The following PDE11A variants were observed in gnomAD, a reference collection of about 807,000 sequenced individuals.
The protein encoded by PDE11A is phosphodiesterase 11A.
A neutral mutation model predicts 100.5 loss-of-function variants in PDE11A; 100 were observed. That is an observed-to-expected ratio of 1.00 (90% CI 0.85 to 1.18). PDE11A has a LOEUF of 1.18. PDE11A is among the 50% of genes most tolerant of loss of function. PDE11A has a pLI of 0.00. For synonymous variants in PDE11A, 381 were observed against 420.8 expected (o/e 0.91, Z 1.16); for missense variants, 1,141 against 1,152.6 (o/e 0.99, Z 0.15).
rs921432030 is a variant in PDE11A at position 177,911,971 on chromosome 2, T to C, written c.1072-6784A>G. Among the ~76,000 whole-genome samples the C allele has an allele frequency of 2.0e-5, 3 of 151,736 alleles. No homozygotes were observed. In the East Asian group the frequency reaches 5.8e-4, roughly 29 times the overall value. On this transcript the variant is annotated intron_variant, in intron 2 of 19. Coordinates refer to ENST00000286063, the MANE Select transcript of PDE11A (RefSeq NM_016953.4). ...CTATGAGAATTGACATTCTGAAGAA[T>C]AGGGTGGGGGACTTCATTCACAAAA...
At chr2:177,673,330 A>G (rs1052641900) in intron 17 of PDE11A, among the ~76,000 whole-genome samples, 1 of 152,192 alleles carries the variant, frequency 6.6e-6, no homozygotes, top group African/African-American at 2.4e-5. Context: ...TGGGAAAGGA[A>G]TAATTTCCCA....
At chr2:177,635,912 A>G (rs1269823919) in intron 19 of PDE11A, among the ~76,000 whole-genome samples, 1 of 151,598 alleles carries the variant, frequency 6.6e-6, no homozygotes, top group African/African-American at 2.4e-5. Flanking sequence ...TTGTTTAACC[A>G]GTTCCTTTTT....
At chr2:178,080,796 C>T (rs2087275765) in intron 2 of PDE11A, among the ~76,000 whole-genome samples, 1 of 151,960 alleles carries the variant, frequency 6.6e-6, no homozygotes, top group Admixed American at 6.6e-5. Context: ...CCAAGAGTAA[C>T]TTCCACAGCA....
intron 2 of PDE11A, among the ~76,000 whole-genome samples, chr2:178,103,947 T>C (rs2087588883): frequency 6.6e-6 from 1 of 152,142 alleles, no homozygotes; most frequent in African/African-American, 2.4e-5. Flanking sequence ...CTATATAGTA[T>C]TTCTCCCACT....
intron 2 of PDE11A, among the ~76,000 whole-genome samples, chr2:177,945,731 G>T (rs1436997778): frequency 6.6e-6 from 1 of 151,994 alleles, no homozygotes; most frequent in Non-Finnish European, 1.5e-5. Context: ...GGGAGGTGGG[G>T]GGGGTCAGCC....
chr2:177,708,036 A>G (rs1282931384), intron 13 of PDE11A, among the ~76,000 whole-genome samples: 1 of 152,118 alleles, frequency 6.6e-6, no homozygotes, highest in African/African-American at 2.4e-5. Flanking sequence ...TGGGGGAGAG[A>G]GGAATCCTAA....
In PDE11A at chr2:177,820,242, C is replaced by G; in HGVS notation, c.1554G>C (p.Trp518Cys). The G allele has an allele frequency of 6.3e-7, 1 of 1,581,534 alleles. No homozygotes were observed. Among genetic ancestry groups the G allele is most frequent in the South Asian group, 1.1e-5 (1 of 90,364 alleles). The change falls in exon 7 of 20, where the codon TGG (tryptophan) becomes TGC (cysteine). Residue 518 changes from tryptophan to cysteine, a missense_variant. Coordinates refer to ENST00000286063, the MANE Select transcript of PDE11A (RefSeq NM_016953.4). ...HIRSVLCVPI[W>C]NSNHQIIGVA... Reference sequence around the variant, plus strand: ...TACCAATTATTTGGTGGTTGCTATTCCAAATAGGGACACAAAGAACAGATC... The same window carrying G: ...TACCAATTATTTGGTGGTTGCTATTGCAAATAGGGACACAAAGAACAGATC...
chr2:177,855,903 A>AAC (rs57202805), intron 5 of PDE11A, among the ~76,000 whole-genome samples: 1,751 of 139,610 alleles, frequency 0.013, 22 homozygotes, highest in African/African-American at 0.032. Flanking sequence ...GAACGTATGC[A>AAC]ACACACACAC....
intron 10 of PDE11A, among the ~76,000 whole-genome samples, chr2:177,756,367 G>T (rs1281484233): frequency 2.0e-5 from 3 of 152,186 alleles, no homozygotes; most frequent in Non-Finnish European, 4.4e-5. Context: ...TAAAGGGAAA[G>T]AAATTCCCTT....
At chr2:178,062,181 C>T (rs1400744537) in intron 1 of PDE11A, among the ~76,000 whole-genome samples, 1 of 152,110 alleles carries the variant, frequency 6.6e-6, no homozygotes, top group African/African-American at 2.4e-5. Flanking sequence ...GGCACATTGG[C>T]TGCCACTGGT....
chr2:177,829,455 T>C (rs1394639509), intron 6 of PDE11A, among the ~76,000 whole-genome samples: 2 of 151,898 alleles, frequency 1.3e-5, no homozygotes, highest in African/African-American at 4.8e-5. Context: ...CAAAATTCTT[T>C]TTTTTTTAAG....
rs895674251 is a variant in PDE11A at position 178,037,533 on chromosome 2, A to C, written c.913-23073T>G. Among the ~76,000 whole-genome samples the C allele has an allele frequency of 2.6e-5, 4 of 152,220 alleles. No individual in the cohort carries two copies. In the South Asian group the frequency reaches 8.3e-4, roughly 32 times the overall value. On this transcript the variant is annotated intron_variant, in intron 1 of 19. Coordinates refer to ENST00000286063, the MANE Select transcript of PDE11A (RefSeq NM_016953.4). ...ATCCCATTACTGGGTATATACCCAA[A>C]GGATTATAAATCATTCTAATATAAA...
At chr2:177,802,099 C>A (rs1007807250) in intron 9 of PDE11A, among the ~76,000 whole-genome samples, 1 of 151,978 alleles carries the variant, frequency 6.6e-6, no homozygotes, top group East Asian at 1.9e-4. Context: ...TAAATAAGCA[C>A]ATAGAAAAAG....
chr2:177,637,513 T>C (rs1417483653), intron 19 of PDE11A, among the ~76,000 whole-genome samples: 3 of 152,000 alleles, frequency 2.0e-5, no homozygotes, highest in Non-Finnish European at 2.9e-5. Context: ...CTGGATTGTG[T>C]TTTTGTCTCT....
At chr2:178,012,373 T>A (rs548673978) in intron 2 of PDE11A, among the ~76,000 whole-genome samples, 170 of 152,304 alleles carry the variant, frequency 1.1e-3, no homozygotes, top group African/African-American at 3.8e-3. Flanking sequence ...ATTAATTATT[T>A]AAAAAAATTG....
chr2:177,917,219 C>T (rs2084968012), intron 2 of PDE11A, among the ~76,000 whole-genome samples: 1 of 152,078 alleles, frequency 6.6e-6, no homozygotes, highest in African/African-American at 2.4e-5. Context: ...AAGTTCAAAT[C>T]ACCCAATTCC....
chr2:177,747,272 T>C (rs2081962815), intron 10 of PDE11A, among the ~76,000 whole-genome samples: 1 of 152,230 alleles, frequency 6.6e-6, no homozygotes, highest in Non-Finnish European at 1.5e-5. Flanking sequence ...CAGCCAGCGT[T>C]CCCTCGACTG....
At chr2:177,848,254 G>A (rs192415942) in intron 5 of PDE11A, among the ~76,000 whole-genome samples, 1 of 151,790 alleles carries the variant, frequency 6.6e-6, no homozygotes, top group Admixed American at 6.6e-5. Context: ...AAAAAATTCT[G>A]GCTTAAAGGA....
intron 2 of PDE11A, among the ~76,000 whole-genome samples, chr2:177,972,586 A>G (rs1364953890): frequency 6.6e-6 from 1 of 152,146 alleles, no homozygotes; most frequent in Non-Finnish European, 1.5e-5. Flanking sequence ...ATGTTTTATG[A>G]TAGGGGAGAG....
Sources: allele counts gnomAD v4.1 joint callset (sites outside exome capture counted in the v4.1 genomes callset), GRCh38; gene constraint gnomAD v4.1.1; transcripts MANE v1.5; gene names NCBI Gene and HGNC (gene_info 2026-07-23, HGNC 2026-07-21).